The following TMEM131 variants were observed in gnomAD, a reference collection of about 807,000 sequenced individuals.
The protein encoded by TMEM131 is transmembrane protein 131.
In TMEM131, 66 loss-of-function variants were observed where a neutral mutation model predicts 211.6. The observed-to-expected ratio is 0.31, with a 90% CI of 0.26 to 0.38. The LOEUF (loss-of-function observed/expected upper bound fraction) is 0.38. TMEM131 is among the 10% of genes least tolerant of loss of function. The probability of loss-of-function intolerance (pLI) is 1.00; values close to 1 mark genes in which losing one functional copy is unlikely to be tolerated. For synonymous variants in TMEM131, 844 were observed against 841.3 expected, an observed-to-expected ratio of 1.00 and a Z score of -0.06; for missense variants, 2,036 against 2,299.3, an observed-to-expected ratio of 0.89 and a Z score of 2.34.
intron 4 of TMEM131, among the ~76,000 whole-genome samples, chr2:97,885,416 G>A (rs1162381766): frequency 9.1e-6 from 1 of 110,290 alleles, no homozygotes; most frequent in South Asian, 2.2e-4. Flanking sequence ...GGATGGTCTT[G>A]ATCTCCTGAC....
rs759443440 is a variant in TMEM131, at chr2:97,805,091, T to C, written c.2399A>G (p.His800Arg). The change falls in exon 22 of 41, where the codon CAT becomes CGT. Residue 800 changes from histidine (H) to arginine (R), a missense_variant. Around this residue, in one of 3 missense-constraint regions of TMEM131, gnomAD observed 1,623 missense variants for 1,805.9 expected, o/e 0.90. Coordinates refer to ENST00000186436, the MANE Select transcript of TMEM131 (RefSeq NM_015348.2). ...GWTGIKENSG[H>R]RLSAIFEVNT... is the part of the protein sequence containing the mutation. ...TAAATAAACATAAACCACTCACCTA[T>C]GACCTGAATTTTCCTTTATTCCTGT... The C allele has an allele frequency of 6.2e-6, 10 of 1,607,774 alleles. No individual in the cohort carries two copies. The highest frequency in any genetic ancestry group is 5.5e-5 in the South Asian group (5 of 90,166).
chr2:97,827,213 G>A (rs576676502), intron 11 of TMEM131: 149 of 721,376 alleles, frequency 2.1e-4, no homozygotes, highest in African/African-American at 1.9e-3. Context: ...GCCGCGGCCC[G>A]CAGGCACCTG....
chr2:97,766,144 C>T lies in TMEM131; in HGVS notation c.4693G>A (p.Asp1565Asn), dbSNP rs751344985. ...GEKDSPPPEW[D>N]SVPVHKPGSS... ...CCAGGTTTGTGAACTGGAACGGAAT[C>T]CCACTCCGGTGGAGGAGAGTCTTTT... The change falls in exon 35 of 41, where the codon GAT becomes AAT. Residue 1565 changes from aspartate to asparagine, a missense_variant. By Grantham distance (23) the Asp-to-Asn change is conservative. This residue lies in a region of TMEM131 where 1,623 missense variants were observed against 1,805.9 expected (regional missense o/e 0.90). Transcript: ENST00000186436. The T allele has an allele frequency of 2.5e-6, 4 of 1,613,900 alleles. No homozygotes were observed. The highest frequency in any genetic ancestry group is 1.1e-5 in the South Asian group (1 of 91,092).
intron 10 of TMEM131, among the ~76,000 whole-genome samples, chr2:97,834,256 T>C (rs1682840003): frequency 6.6e-6 from 1 of 152,238 alleles, no homozygotes; most frequent in Non-Finnish European, 1.5e-5. Context: ...TGTCAAAATG[T>C]AATTTAATAA....
At position 97,888,133 on chromosome 2, in the gene TMEM131, A is replaced by G; in HGVS notation, c.291-13T>C. 1 of 1,605,242 alleles carries G rather than the reference A, an allele frequency of 6.2e-7. No individual in the cohort carries two copies. Among genetic ancestry groups the G allele is most frequent in the Admixed American group, 1.7e-5 (1 of 59,626 alleles). On this transcript the variant is annotated splice_polypyrimidine_tract_variant and intron_variant, in intron 3 of 40. Coordinates refer to ENST00000186436, the MANE Select transcript of TMEM131 (RefSeq NM_015348.2). ...GTAGAGAGATATACTGTAAATAAAA[A>G]GAAAACAACATAAGAAGCAATTCTT... is the stretch of plus-strand genomic sequence containing the variant.
chr2:97,793,686 C>A (rs1432301454), intron 29 of TMEM131, 133 bp from the exon 30 acceptor site: 1 of 931,246 alleles, frequency 1.1e-6, no homozygotes, highest in Non-Finnish European at 1.6e-6. Context: ...TCTGTGACAA[C>A]TTTTAACAGA....
rs566802037 is a variant in TMEM131 at position 97,786,920 on chromosome 2, T to C, written c.4144+5466A>G. 9.2e-5 allele frequency among the ~76,000 whole-genome samples: 14 copies of C among 152,378 alleles called. No individual in the cohort carries two copies. The South Asian group carries it at 2.9e-3, about 32-fold the overall frequency. On this transcript the variant is annotated intron_variant, in intron 31 of 40. Coordinates refer to ENST00000186436, the MANE Select transcript of TMEM131 (RefSeq NM_015348.2). ...AAACTGTTTTTTCCAGATGAACTCCTATGCCCCCTTTTCCTTCAGAACTAT... is the reference window on the plus strand; with the variant it reads ...AAACTGTTTTTTCCAGATGAACTCCCATGCCCCCTTTTCCTTCAGAACTAT...
chr2:97,823,682 G>A (rs1356555790), intron 11 of TMEM131, among the ~76,000 whole-genome samples: 5 of 152,158 alleles, frequency 3.3e-5, no homozygotes, highest in African/African-American at 1.2e-4. Context: ...CTGTGTTCTG[G>A]AAGGACTAAG....
intron 1 of TMEM131, among the ~76,000 whole-genome samples, chr2:97,962,055 T>C (rs545327277): frequency 6.6e-6 from 1 of 152,334 alleles, no homozygotes; most frequent in East Asian, 1.9e-4. Context: ...AACTATAATG[T>C]TCTAGAGAAA....
intron 11 of TMEM131, among the ~76,000 whole-genome samples, chr2:97,829,736 C>T (rs1189508074): frequency 2.6e-5 from 4 of 152,176 alleles, no homozygotes; most frequent in Non-Finnish European, 4.4e-5. Flanking sequence ...TCTATGGCTT[C>T]ATTCTTCAAG....
intron 4 of TMEM131, among the ~76,000 whole-genome samples, chr2:97,881,779 G>C (rs1674945787): frequency 6.6e-6 from 1 of 151,186 alleles, no homozygotes; most frequent in East Asian, 1.9e-4. Flanking sequence ...TATTAAGAGG[G>C]GCCATTCTGT....
chr2:97,772,958 T>C (rs1014569178), intron 32 of TMEM131, among the ~76,000 whole-genome samples: 5 of 152,250 alleles, frequency 3.3e-5, no homozygotes, highest in Non-Finnish European at 7.3e-5. Flanking sequence ...AAGAACGTCA[T>C]TTTAATTTAT....
chr2:97,871,666 T>C (rs1674493878), intron 4 of TMEM131, among the ~76,000 whole-genome samples: 1 of 152,174 alleles, frequency 6.6e-6, no homozygotes, highest in African/African-American at 2.4e-5. Context: ...TATGATTCCA[T>C]CCTCAACCAA....
chr2:97,923,628 T>TAAAAAAA lies in TMEM131; in HGVS notation c.249+3791_249+3797dup, dbSNP rs71386040. On this transcript the variant is annotated intron_variant, in intron 2 of 40. Coordinates refer to ENST00000186436, the MANE Select transcript of TMEM131 (RefSeq NM_015348.2). ...CAGAGCAAGACACTGTCTTTTTTTT[T>TAAAAAAA]AAAAAAAAAAAAAAAAAAAAAAAAA... Among the ~76,000 whole-genome samples, 5 of 30,208 alleles carry TAAAAAAA rather than the reference T, an allele frequency of 1.7e-4. No homozygotes were observed. The South Asian group carries it at 2.3e-3, about 14-fold the overall frequency. The allele number at this position is 30,208 out of a possible 152,430, so 19.8% of individuals were successfully genotyped here.
intron 5 of TMEM131, among the ~76,000 whole-genome samples, chr2:97,849,092 T>A (rs1405783439): frequency 6.6e-6 from 1 of 152,056 alleles, no homozygotes; most frequent in Non-Finnish European, 1.5e-5. Flanking sequence ...CAAATTAAGA[T>A]AAAAATGGCC....
intron 5 of TMEM131, among the ~76,000 whole-genome samples, chr2:97,856,945 A>G (rs1308074164): frequency 6.6e-6 from 1 of 152,196 alleles, no homozygotes; most frequent in African/African-American, 2.4e-5. Flanking sequence ...TTATTGTTTA[A>G]TTCCATCATC....
intron 2 of TMEM131, among the ~76,000 whole-genome samples, chr2:97,923,948 C>A (rs969007618): frequency 6.6e-6 from 1 of 152,014 alleles, no homozygotes; most frequent in Non-Finnish European, 1.5e-5. Context: ...GGCTTGGTAG[C>A]GGGTGCCTGT....
chr2:97,793,270 T>C (rs1036975605), intron 30 of TMEM131, 125 bp downstream of exon 30: 7 of 1,004,130 alleles, frequency 7.0e-6, no homozygotes, highest in Non-Finnish European at 1.0e-5. Flanking sequence ...CAGGGTGTTA[T>C]TAAGTAATCA....
chr2:97,856,108 CTGTG>C (rs1673834411), intron 5 of TMEM131, among the ~76,000 whole-genome samples: 2 of 152,216 alleles, frequency 1.3e-5, no homozygotes, highest in African/African-American at 4.8e-5. Context: ...TTGTTTCCTA[CTGTG>C]TGTAAGGCAC....
Sources: gnomAD v4.1 joint callset for allele counts (sites outside exome capture counted in the v4.1 genomes callset) on GRCh38, gnomAD v4.1.1 for gene constraint, gnomAD v4.1.1 regional missense constraint, MANE v1.5 for transcripts, NCBI Gene and HGNC (gene_info 2026-07-23, HGNC 2026-07-21) for gene names.